ATRNL1: variants seen among roughly 807,000 people sequenced by gnomAD.
ATRNL1 encodes the protein attractin-like protein 1.
ATRNL1 carries 95 observed loss-of-function variants against 182.7 expected under a neutral mutation model. The ratio of observed to expected loss-of-function variants is 0.52; its 90% confidence interval spans 0.44 to 0.62. ATRNL1 has a LOEUF of 0.62. Among genes scored for constraint, ATRNL1 ranks in the 20% least tolerant of loss-of-function variants. ATRNL1 has a pLI of 0.00. For synonymous variants in ATRNL1, 576 were observed against 568.3 expected (o/e 1.01, Z -0.19); for missense variants, 1,471 against 1,679.5 (o/e 0.88, Z 2.17).
chr10:115,628,170 A>T (rs910343008), intron 26 of ATRNL1, among the ~76,000 whole-genome samples: 1 of 151,904 alleles, frequency 6.6e-6, no homozygotes, highest in Non-Finnish European at 1.5e-5. Context: ...AGAAAGAAAA[A>T]AAAAGAAATG....
intron 19 of ATRNL1, among the ~76,000 whole-genome samples, chr10:115,366,557 C>G (rs1174245771): frequency 6.6e-6 from 1 of 151,142 alleles, no homozygotes; most frequent in African/African-American, 2.4e-5. Flanking sequence ...TTGATCCTGT[C>G]ATTATGATGT....
At chr10:115,712,181 A>T (rs67121540) in intron 26 of ATRNL1, among the ~76,000 whole-genome samples, 1 of 152,172 alleles carries the variant, frequency 6.6e-6, no homozygotes, top group East Asian at 1.9e-4. Flanking sequence ...TATTAGTTCA[A>T]TGCCAAGCCT....
intron 27 of ATRNL1, among the ~76,000 whole-genome samples, chr10:115,802,949 A>G (rs930689644): frequency 2.6e-5 from 4 of 152,196 alleles, no homozygotes; most frequent in African/African-American, 4.8e-5. Context: ...TGAAATTAGA[A>G]TTTTCAACAG....
intron 20 of ATRNL1, among the ~76,000 whole-genome samples, chr10:115,425,335 AT>A (rs1845835717): frequency 6.7e-6 from 1 of 149,890 alleles, no homozygotes; most frequent in Non-Finnish European, 1.5e-5. Flanking sequence ...GTATGTAATA[AT>A]TACTTAAACC....
chr10:115,302,457 G>A (rs1481394747), intron 17 of ATRNL1, among the ~76,000 whole-genome samples: 1 of 152,118 alleles, frequency 6.6e-6, no homozygotes, highest in Non-Finnish European at 1.5e-5. Context: ...TGTTTTGGAG[G>A]TTTCTCAATT....
chr10:115,271,337 G>C (rs1851854749), intron 13 of ATRNL1, among the ~76,000 whole-genome samples: 1 of 151,982 alleles, frequency 6.6e-6, no homozygotes, highest in South Asian at 2.1e-4. Flanking sequence ...ACAATGTGCA[G>C]GTTTGTTACA....
Position 115,246,653 on chromosome 10 carries a change from T to G in ATRNL1, c.1687+4928T>G, listed in dbSNP as rs1398384619. 2.7e-5 allele frequency among the ~76,000 whole-genome samples: 2 copies of G among 73,788 alleles called. 1 individual carries two copies. The highest frequency in any genetic ancestry group is 5.9e-5 in the Non-Finnish European group (2 of 33,730). 48.4% of individuals were successfully genotyped at this position (73,788 alleles called of 152,430 possible). A position where few individuals can be genotyped will look rare whatever the true frequency, so the allele number is the denominator to read the frequency against. On this transcript the variant is annotated intron_variant, in intron 10 of 28. Coordinates refer to ENST00000355044, the MANE Select transcript of ATRNL1 (RefSeq NM_207303.4). ...TCGGCTCACTGCAAGCTCCACTTCC[T>G]GGGTTCACGCCATTCTCCTGCCTCA...
intron 17 of ATRNL1, among the ~76,000 whole-genome samples, chr10:115,308,340 G>A (rs1853839486): frequency 6.6e-6 from 1 of 151,988 alleles, no homozygotes; most frequent in Non-Finnish European, 1.5e-5. Context: ...AAGAAAAATA[G>A]GAGATTTAGT....
At chr10:115,857,909 C>A (rs1356145948) in intron 28 of ATRNL1, among the ~76,000 whole-genome samples, 1 of 152,164 alleles carries the variant, frequency 6.6e-6, no homozygotes, top group Non-Finnish European at 1.5e-5. Context: ...TTCCCACCTG[C>A]CACCTCTTTC....
At chr10:115,934,610 A>T (rs757297584) in intron 28 of ATRNL1, among the ~76,000 whole-genome samples, 1 of 151,922 alleles carries the variant, frequency 6.6e-6, no homozygotes. Context: ...CTAAATATCT[A>T]TCCTGTCCAT....
intron 28 of ATRNL1, among the ~76,000 whole-genome samples, chr10:115,905,536 A>G (rs566073733): frequency 4.6e-5 from 7 of 152,120 alleles, no homozygotes; most frequent in African/African-American, 1.7e-4. Context: ...GGCTGGTTTT[A>G]GTCTTCCAAC....
chr10:115,648,473 C>T (rs1413404289), intron 26 of ATRNL1, among the ~76,000 whole-genome samples: 3 of 152,110 alleles, frequency 2.0e-5, no homozygotes, highest in Non-Finnish European at 2.9e-5. Context: ...TCACATGAAA[C>T]CAAAAAAGAG....
intron 26 of ATRNL1, among the ~76,000 whole-genome samples, chr10:115,608,897 C>G (rs1192412016): frequency 6.6e-6 from 1 of 151,772 alleles, no homozygotes; most frequent in Non-Finnish European, 1.5e-5. Context: ...AAAATCTCTT[C>G]AAGCTTTTGT....
chr10:115,428,354 A>C (rs1228354664), intron 21 of ATRNL1, among the ~76,000 whole-genome samples: 2 of 152,010 alleles, frequency 1.3e-5, no homozygotes, highest in African/African-American at 4.8e-5. Flanking sequence ...TAGCAGTTGG[A>C]TTTCTTTTCC....
intron 26 of ATRNL1, among the ~76,000 whole-genome samples, chr10:115,692,112 A>G (rs1412268009): frequency 1.3e-5 from 2 of 152,180 alleles, no homozygotes; most frequent in African/African-American, 4.8e-5. Flanking sequence ...TTTTTCCTAG[A>G]GTTGAATCAA....
chr10:115,797,948 C>A (rs990199644), intron 27 of ATRNL1, among the ~76,000 whole-genome samples: 1 of 152,050 alleles, frequency 6.6e-6, no homozygotes, highest in Admixed American at 6.5e-5. Context: ...GACGGAGTCT[C>A]GCTCTGTTGC....
intron 27 of ATRNL1, among the ~76,000 whole-genome samples, chr10:115,829,595 C>T (rs1233876019): frequency 6.6e-6 from 1 of 151,926 alleles, no homozygotes; most frequent in East Asian, 1.9e-4. Context: ...AACTCATTTC[C>T]CTTCCTGAGC....
chr10:115,849,394 A>G (rs747099831), intron 28 of ATRNL1, among the ~76,000 whole-genome samples: 1 of 152,184 alleles, frequency 6.6e-6, no homozygotes, highest in Non-Finnish European at 1.5e-5. Flanking sequence ...CAAACACTTC[A>G]CTAATGAAAA....
intron 28 of ATRNL1, among the ~76,000 whole-genome samples, chr10:115,937,065 A>T (rs1953582259): frequency 6.6e-6 from 1 of 152,230 alleles, no homozygotes; most frequent in African/African-American, 2.4e-5. Context: ...TTTGCATTAA[A>T]AACAATGATT....
Sources: gnomAD v4.1 joint callset for allele counts (sites outside exome capture counted in the v4.1 genomes callset) on GRCh38, gnomAD v4.1.1 for gene constraint, MANE v1.5 for transcripts, NCBI Gene and HGNC (gene_info 2026-07-23, HGNC 2026-07-21) for gene names.